Variants in CLUL1 observed in about 807,000 individuals in gnomAD.
CLUL1 encodes clusterin-like protein 1.
A neutral mutation model predicts 49.4 loss-of-function variants in CLUL1; 43 were observed. That is an observed-to-expected ratio of 0.87 (90% CI 0.68 to 1.12). CLUL1 has a LOEUF of 1.12. Among genes scored for constraint, CLUL1 ranks in the 50% most tolerant of loss-of-function variants. The pLI is 0.00. For missense variants in CLUL1, 486 were observed against 544.4 expected, an observed-to-expected ratio of 0.89 and a Z score of 1.07; for synonymous variants, 192 against 184.9, an observed-to-expected ratio of 1.04 and a Z score of -0.31.
At chr18:629,489 T>A (rs1213399422) in intron 6 of CLUL1, among the ~76,000 whole-genome samples, 1 of 152,144 alleles carries the variant, frequency 6.6e-6, no homozygotes, top group Non-Finnish European at 1.5e-5. Context: ...ACAATCTAGA[T>A]AATTTTTCAA....
chr18:633,808 CAGGGCGGAGCGTGTAATCGGAATG>C (rs1363241389), intron 7 of CLUL1, among the ~76,000 whole-genome samples: 1 of 23,946 alleles, frequency 4.2e-5, no homozygotes, highest in Non-Finnish European at 1.1e-4. Flanking sequence ...CGGAATGAAT[CAGGGCGGAGCGTGTAATCGGAATG>C]AATCAGGGCG....
chr18:636,444 A>T (rs1278181715), intron 7 of CLUL1, among the ~76,000 whole-genome samples: 1 of 152,172 alleles, frequency 6.6e-6, no homozygotes, highest in Non-Finnish European at 1.5e-5. Flanking sequence ...CATTGTGCAA[A>T]TTAATGCATT....
intron 6 of CLUL1, 174 bp downstream of exon 6, chr18:627,703 T>A: frequency 2.0e-6 from 1 of 511,638 alleles, no homozygotes; most frequent in Non-Finnish European, 3.4e-6. Context: ...CTAAACACCA[T>A]CCCTCTTCCA....
chr18:646,497 GAC>G (rs56076402), intron 9 of CLUL1, among the ~76,000 whole-genome samples: 24,057 of 141,042 alleles, frequency 0.17, 2,046 homozygotes, highest in Admixed American at 0.24. Context: ...CAGATAGATA[GAC>G]ACACACACAC....
chr18:598,808 G>A (rs2072733810), intron 1 of CLUL1, among the ~76,000 whole-genome samples: 1 of 151,482 alleles, frequency 6.6e-6, no homozygotes, highest in African/African-American at 2.4e-5. Flanking sequence ...CCTTTTTCCG[G>A]ACTTAAAAAA....
chr18:628,888 T>C (rs1374831931), intron 6 of CLUL1, among the ~76,000 whole-genome samples: 2 of 152,016 alleles, frequency 1.3e-5, no homozygotes, highest in Non-Finnish European at 2.9e-5. Context: ...TCACCTTGGC[T>C]TCCCAAAGTG....
intron 9 of CLUL1, among the ~76,000 whole-genome samples, chr18:649,142 T>C (rs918190745): frequency 2.6e-5 from 4 of 152,156 alleles, no homozygotes; most frequent in African/African-American, 9.7e-5. Context: ...ATTATATCAA[T>C]GCATTCAGGG....
intron 7 of CLUL1, among the ~76,000 whole-genome samples, chr18:637,630 T>C (rs577960510): frequency 6.6e-6 from 1 of 152,250 alleles, no homozygotes; most frequent in East Asian, 1.9e-4. Flanking sequence ...TCCAGGTAGC[T>C]CTGATTACAA....
intron 6 of CLUL1, 46 bp downstream of exon 6, chr18:627,575 C>A: frequency 1.4e-6 from 2 of 1,388,378 alleles, no homozygotes; most frequent in South Asian, 1.4e-5. Flanking sequence ...ACACTAAAGT[C>A]AAGTTTTGTT....
intron 8 of CLUL1, among the ~76,000 whole-genome samples, chr18:643,196 A>G (rs1386221821): frequency 1.3e-5 from 2 of 152,250 alleles, no homozygotes; most frequent in Non-Finnish European, 2.9e-5. Flanking sequence ...TCATATGCAC[A>G]TCATGGAATT....
intron 7 of CLUL1, 156 bp from the exon 8 acceptor site, chr18:641,171 A>T (rs759302246): frequency 9.7e-6 from 6 of 616,298 alleles, no homozygotes; most frequent in Admixed American, 3.0e-5. Flanking sequence ...GATGTAGACG[A>T]TATTAATAAT....
At chr18:600,538 A>G (rs2072797462) in intron 1 of CLUL1, among the ~76,000 whole-genome samples, 2 of 130,450 alleles carry the variant, frequency 1.5e-5, no homozygotes. Flanking sequence ...ACAGAGAAGA[A>G]GGCTTGGCGA....
chr18:625,807 G>T (rs2073670396), intron 5 of CLUL1, among the ~76,000 whole-genome samples: 1 of 152,082 alleles, frequency 6.6e-6, no homozygotes, highest in Admixed American at 6.5e-5. Context: ...TATGCTCCTG[G>T]CTTGGCAATG....
At chr18:634,424 G>A (rs2074083969) in intron 7 of CLUL1, among the ~76,000 whole-genome samples, 1 of 152,080 alleles carries the variant, frequency 6.6e-6, no homozygotes, top group Non-Finnish European at 1.5e-5. Context: ...GAACCACCGT[G>A]CCTGGCCTGG....
In CLUL1 at chr18:640,889, C is replaced by T. The variant is rs183431935; in HGVS notation, c.995-438C>T. 3.0e-3 allele frequency among the ~76,000 whole-genome samples: 449 copies of T among 151,890 alleles called. 2 individuals are homozygous for T. Among genetic ancestry groups the T allele is most frequent in the South Asian group, 0.014 (67 of 4,826 alleles). On this transcript the variant is annotated intron_variant, in intron 7 of 9. Coordinates refer to ENST00000692774, the MANE Select transcript of CLUL1 (RefSeq NM_001393344.1). ...ATACACTTTTGGTCTTAATTTAAAG[C>T]GGCTTCACTATATGTGGTTCTTTTC... is the stretch of plus-strand genomic sequence containing the variant.
intron 9 of CLUL1, 113 bp from the exon 10 acceptor site, chr18:649,785 A>G (rs1400273058): frequency 1.4e-5 from 10 of 719,358 alleles, no homozygotes; most frequent in Middle Eastern, 2.4e-4. Flanking sequence ...CCAAAAGCCA[A>G]CAGCAGGTAT....
intron 7 of CLUL1, among the ~76,000 whole-genome samples, chr18:637,033 C>G (rs2074161070): frequency 6.6e-6 from 1 of 151,558 alleles, no homozygotes; most frequent in African/African-American, 2.4e-5. Context: ...GTCGCCCAGG[C>G]TGGAGGGCAG....
At chr18:639,795 A>G (rs962270488) in intron 7 of CLUL1, among the ~76,000 whole-genome samples, 3 of 151,954 alleles carry the variant, frequency 2.0e-5, no homozygotes, top group Admixed American at 1.3e-4. Context: ...CAAAGAAAAG[A>G]AAAAGAAAAA....
chr18:621,641 A>T (rs2073489800), intron 4 of CLUL1, among the ~76,000 whole-genome samples: 1 of 152,204 alleles, frequency 6.6e-6, no homozygotes, highest in African/African-American at 2.4e-5. Flanking sequence ...CACAAAACAC[A>T]TTATCACATG....
Sources: allele counts gnomAD v4.1 joint callset (sites outside exome capture counted in the v4.1 genomes callset), GRCh38; gene constraint gnomAD v4.1.1; transcripts MANE v1.5; gene names NCBI Gene and HGNC (gene_info 2026-07-23, HGNC 2026-07-21).